Variants in LINGO2 observed in about 807,000 individuals in gnomAD.
The protein encoded by LINGO2 is leucine-rich repeat and immunoglobulin-like domain-containing nogo receptor-interacting protein 2.
LINGO2 carries 14 observed loss-of-function variants against 30.6 expected under a neutral mutation model. That is an observed-to-expected ratio of 0.46 (90% CI 0.30 to 0.72). LINGO2 has a LOEUF of 0.72. LINGO2 is among the 30% of genes least tolerant of loss of function. The pLI is 0.07. For missense variants in LINGO2, 729 were observed against 751.7 expected (o/e 0.97, Z 0.35); for synonymous variants, 317 against 288.5 (o/e 1.10, Z -1.00).
At chr9:28,848,397 G>GTGTATATATATATATATA in the LINGO2 span, among the ~76,000 whole-genome samples, 1 of 48,420 alleles carries the variant, frequency 2.1e-5, no homozygotes, top group Non-Finnish European at 3.9e-5. Context: ...GTGTGTGTGT[G>GTGTATATATATATATATA]TATATATATA....
chr9:28,123,754 C>A (rs1016421492), intron 4 of LINGO2, among the ~76,000 whole-genome samples: 2 of 151,836 alleles, frequency 1.3e-5, no homozygotes, highest in African/African-American at 2.4e-5. Flanking sequence ...AGCTCTGCCT[C>A]CTGGGTTCAC....
intron 1 of LINGO2, among the ~76,000 whole-genome samples, chr9:28,496,137 T>G (rs1225144003): frequency 6.6e-6 from 1 of 152,036 alleles, no homozygotes; most frequent in Non-Finnish European, 1.5e-5. Context: ...GTATATTCTG[T>G]TGATTTGGGG....
At chr9:28,038,291 A>C (rs1157190716) in intron 4 of LINGO2, among the ~76,000 whole-genome samples, 1 of 152,224 alleles carries the variant, frequency 6.6e-6, no homozygotes, top group Non-Finnish European at 1.5e-5. Flanking sequence ...GGGGCCTCTA[A>C]TGAGAAAAAA....
the LINGO2 span, among the ~76,000 whole-genome samples, chr9:28,699,278 C>T: frequency 6.6e-6 from 1 of 151,988 alleles, no homozygotes; most frequent in East Asian, 1.9e-4. Context: ...CCATACTCCA[C>T]CTGTTGTGGG....
chr9:28,779,967 T>C, the LINGO2 span, among the ~76,000 whole-genome samples: 1 of 152,070 alleles, frequency 6.6e-6, no homozygotes, highest in Admixed American at 6.6e-5. Flanking sequence ...GTTTAATGCC[T>C]TTTTTCTTCT....
chr9:28,805,330 T>C, the LINGO2 span, among the ~76,000 whole-genome samples: 1 of 152,152 alleles, frequency 6.6e-6, no homozygotes, highest in South Asian at 2.1e-4. Flanking sequence ...TTCTAGGTCT[T>C]AATTTGTCAC....
chr9:28,222,893 C>T lies in LINGO2; in HGVS notation c.-87+72315G>A, dbSNP rs578090614. Among the ~76,000 whole-genome samples the T allele has an allele frequency of 2.0e-4, 31 of 152,122 alleles. 1 individual carries two copies. Among genetic ancestry groups the T allele is most frequent in the African/African-American group, 4.8e-4 (20 of 41,484 alleles). On this transcript the variant is annotated intron_variant, in intron 4 of 5. Coordinates refer to ENST00000379992, the Ensembl canonical transcript of LINGO2. ...GTAGCATTCACTGGGGAGAGATAAGCGAGATGGTACTCTCGGGGAACAGCT... is the reference window on the plus strand; with the variant it reads ...GTAGCATTCACTGGGGAGAGATAAGTGAGATGGTACTCTCGGGGAACAGCT...
chr9:28,025,289 T>A (rs1199928114), intron 4 of LINGO2, among the ~76,000 whole-genome samples: 1 of 152,168 alleles, frequency 6.6e-6, no homozygotes, highest in Admixed American at 6.5e-5. Context: ...ATTCCTGCAG[T>A]CTGCCCTATG....
chr9:28,680,957 A>G, the LINGO2 span, among the ~76,000 whole-genome samples: 1 of 152,036 alleles, frequency 6.6e-6, no homozygotes, highest in Non-Finnish European at 1.5e-5. Flanking sequence ...ATATAACACC[A>G]TTAGTTTATT....
intron 4 of LINGO2, among the ~76,000 whole-genome samples, chr9:28,226,656 AAAG>A (rs1821168870): frequency 1.3e-5 from 1 of 78,584 alleles, no homozygotes; most frequent in African/African-American, 7.0e-5. Context: ...AGAAAGAAAG[AAAG>A]AAAGAAAGAA....
At chr9:28,285,398 A>ATTTTTTTTTTTTTT (rs34034595) in intron 4 of LINGO2, among the ~76,000 whole-genome samples, 1 of 76,166 alleles carries the variant, frequency 1.3e-5, no homozygotes, top group Admixed American at 2.1e-4. Context: ...GCCCAAGATC[A>ATTTTTTTTTTTTTT]TTTTTTTTTT....
the LINGO2 span, among the ~76,000 whole-genome samples, chr9:28,763,009 A>G: frequency 6.6e-6 from 1 of 152,102 alleles, no homozygotes; most frequent in Non-Finnish European, 1.5e-5. Flanking sequence ...AACAGAAGAT[A>G]ATGTTATCTA....
At chr9:28,513,053 C>A (rs1292830998) in intron 1 of LINGO2, among the ~76,000 whole-genome samples, 1 of 149,752 alleles carries the variant, frequency 6.7e-6, no homozygotes, top group Non-Finnish European at 1.5e-5. Flanking sequence ...ACTTTGAATC[C>A]AATCAAGTTG....
At chr9:28,665,530 A>G (rs1465540343) in intron 1 of LINGO2, among the ~76,000 whole-genome samples, 1 of 152,106 alleles carries the variant, frequency 6.6e-6, no homozygotes, top group East Asian at 1.9e-4. Flanking sequence ...TGGTCTCCTT[A>G]ATGGAGAAAC....
chr9:29,154,454 A>AAG, the LINGO2 span, among the ~76,000 whole-genome samples: 1 of 151,460 alleles, frequency 6.6e-6, no homozygotes, highest in Admixed American at 6.6e-5. Flanking sequence ...CGTCTCAAAA[A>AAG]AAAAAAAAAA....
chr9:28,019,522 T>A (rs1823009834), intron 4 of LINGO2, among the ~76,000 whole-genome samples: 1 of 152,086 alleles, frequency 6.6e-6, no homozygotes, highest in Non-Finnish European at 1.5e-5. Context: ...TGTAATAATA[T>A]AATCAGGTAT....
chr9:27,977,578 GAAGAC>G (rs1438067637), intron 5 of LINGO2, among the ~76,000 whole-genome samples: 1 of 151,908 alleles, frequency 6.6e-6, no homozygotes, highest in Non-Finnish European at 1.5e-5. Flanking sequence ...CATATCCTCA[GAAGAC>G]AAGTTTTATT....
At chr9:28,244,030 T>C (rs540947166) in intron 4 of LINGO2, among the ~76,000 whole-genome samples, 34 of 152,298 alleles carry the variant, frequency 2.2e-4, no homozygotes, top group Admixed American at 2.0e-3. Context: ...TACATTCTTC[T>C]CAGAGCCACA....
chr9:28,859,479 C>T, the LINGO2 span, among the ~76,000 whole-genome samples: 10 of 152,064 alleles, frequency 6.6e-5, no homozygotes, highest in East Asian at 1.4e-3. Flanking sequence ...ACTCAGATTC[C>T]TCATAGACAA....
Sources: allele counts gnomAD v4.1 joint callset (sites outside exome capture counted in the v4.1 genomes callset), GRCh38; gene constraint gnomAD v4.1.1; transcripts MANE v1.5; gene names NCBI Gene and HGNC (gene_info 2026-07-23, HGNC 2026-07-21).